Variants in GALNT3 observed in about 807,000 individuals in gnomAD.
GALNT3 encodes GalNAc transferase 3.
In GALNT3, 51 loss-of-function variants were observed where a neutral mutation model predicts 69.8. That is an observed-to-expected ratio of 0.73 (90% confidence interval 0.58 to 0.92). The LOEUF is 0.92. Among genes scored for constraint, GALNT3 ranks in the 40% least tolerant of loss-of-function variants. GALNT3 has a pLI of 0.00. For synonymous variants in GALNT3, 265 were observed against 248.5 expected, an observed-to-expected ratio of 1.07 and a Z score of -0.63; for missense variants, 711 against 760.0, an observed-to-expected ratio of 0.94 and a Z score of 0.76.
rs1313514133 is a variant in GALNT3, at chr2:165,786,609, T to C, written c.-109+7406A>G. Among the ~76,000 whole-genome samples, 4 of 152,358 alleles carry C rather than the reference T, an allele frequency of 2.6e-5. No homozygotes were observed. In the East Asian group the frequency reaches 7.7e-4, roughly 29 times the overall value. On this transcript the variant is annotated intron_variant, in intron 1 of 10. Transcript: ENST00000392701. ...TGTTATACTGTGCTTTTTTATATTA[T>C]TTTTTATTGTTGTGTTACTTTTTTC...
At chr2:165,789,881 G>A (rs1683307456) in intron 1 of GALNT3, among the ~76,000 whole-genome samples, 1 of 152,180 alleles carries the variant, frequency 6.6e-6, no homozygotes, top group Non-Finnish European at 1.5e-5. Flanking sequence ...CCTCCTGACA[G>A]TTCACTCAGG....
Position 165,759,432 on chromosome 2 carries a change from T to C in GALNT3, c.977A>G (p.His326Arg), listed in dbSNP as rs778359401. ...FNKPSPYGSN[H>R]NRGNFDWSLS... ...ACTCCAGTCAAAATTTCCACGGTTA[T>C]GGTTACTTCCATAAGGAGAAGGTTT... Residue 326 changes from histidine (H) to arginine (R), a missense_variant, in exon 5 of 11, where the codon CAT (histidine) becomes CGT (arginine). His to Arg is a conservative substitution (Grantham distance 29). Transcript: ENST00000392701. 8 of 1,613,992 alleles carry C rather than the reference T, an allele frequency of 5.0e-6. No individual in the cohort carries two copies. The highest frequency in any genetic ancestry group is 1.7e-5 in the Admixed American group (1 of 59,988).
Position 165,768,833 on chromosome 2 carries a change from C to T in GALNT3, c.515+1353G>A, listed in dbSNP as rs183568382. Among the ~76,000 whole-genome samples, 452 of 144,930 alleles carry T rather than the reference C, an allele frequency of 3.1e-3. 5 individuals carry two copies. Among genetic ancestry groups the T allele is most frequent in the African/African-American group, 0.011 (438 of 39,188 alleles). The stretch of plus-strand genomic sequence containing the variant: ...TTTGGAGATGGAGTTTCGTTCTTGT[C>T]GCCCAGGCTGGAGTGCAACGGCACA... On this transcript the variant is annotated intron_variant, in intron 2 of 10. Transcript: ENST00000392701.
intron 1 of GALNT3, among the ~76,000 whole-genome samples, chr2:165,786,110 G>C (rs191794963): frequency 3.9e-5 from 6 of 152,224 alleles, no homozygotes; most frequent in Non-Finnish European, 7.3e-5. Flanking sequence ...CAAGGAGGGA[G>C]AGTAGAGGTG....
At chr2:165,771,878 T>C (rs903214462) in intron 1 of GALNT3, among the ~76,000 whole-genome samples, 3 of 152,212 alleles carry the variant, frequency 2.0e-5, no homozygotes, top group African/African-American at 7.2e-5. Flanking sequence ...CTCTGGCTTT[T>C]GGCAGGAAAT....
Position 165,748,598 on chromosome 2 carries a change from C to CT in GALNT3, c.*182dup, listed in dbSNP as rs1163657986. On this transcript the variant is annotated 3_prime_UTR_variant, in exon 11 of 11. Coordinates refer to ENST00000392701, the MANE Select transcript of GALNT3 (RefSeq NM_004482.4). ...GTCTTTGGTATTACTAGTTATTGTGCTTTGAAACAGAAACTTGCAGAATTT... is the reference window on the plus strand; with the variant it reads ...GTCTTTGGTATTACTAGTTATTGTGCTTTTGAAACAGAAACTTGCAGAATTT... The CT allele has an allele frequency of 1.7e-6, 1 of 600,582 alleles. No homozygotes were observed. Among genetic ancestry groups the CT allele is most frequent in the African/African-American group, 1.9e-5 (1 of 53,808 alleles). 37.2% of individuals were successfully genotyped at this position (600,582 alleles called of 1,614,324 possible).
intron 3 of GALNT3, among the ~76,000 whole-genome samples, chr2:165,762,993 G>T (rs544172389): frequency 1.4e-4 from 21 of 148,374 alleles, no homozygotes; most frequent in Admixed American, 1.4e-3. Flanking sequence ...TAGAGACGGG[G>T]TTTCATCATG....
chr2:165,791,168 C>T (rs1683338719), intron 1 of GALNT3, among the ~76,000 whole-genome samples: 1 of 152,038 alleles, frequency 6.6e-6, no homozygotes, highest in Non-Finnish European at 1.5e-5. Flanking sequence ...GTCCTGGAGC[C>T]TCAAGCCCTA....
intron 1 of GALNT3, among the ~76,000 whole-genome samples, chr2:165,786,162 A>T (rs1217416950): frequency 6.6e-6 from 1 of 152,234 alleles, no homozygotes; most frequent in Non-Finnish European, 1.5e-5. Context: ...CCATAATAGG[A>T]AGTCAGTAGA....
chr2:165,770,729 A>G lies in GALNT3; in HGVS notation c.-29T>C. On this transcript the variant is annotated 5_prime_UTR_variant, in exon 2 of 11. Transcript: ENST00000392701. ...GACATTAAAAGCTTGTCACTTGACA[A>G]ATAACAGTTATTTCTTCTTCTGTTA... The G allele has an allele frequency of 6.3e-7, 1 of 1,596,448 alleles. No individual in the cohort carries two copies. The highest frequency in any genetic ancestry group is 8.5e-7 in the Non-Finnish European group (1 of 1,178,088).
intron 2 of GALNT3, among the ~76,000 whole-genome samples, chr2:165,768,527 C>T (rs537611234): frequency 6.6e-6 from 1 of 152,234 alleles, no homozygotes; most frequent in South Asian, 2.1e-4. Context: ...AGTTTCTTTA[C>T]ACATTCATTT....
chr2:165,751,360 C>A (rs527363576), intron 9 of GALNT3, among the ~76,000 whole-genome samples: 1 of 152,058 alleles, frequency 6.6e-6, no homozygotes, highest in African/African-American at 2.4e-5. Context: ...AATTTATCTC[C>A]GCCCACAAGC....
At chr2:165,764,395 T>C (rs1465199535) in intron 3 of GALNT3, among the ~76,000 whole-genome samples, 1 of 152,208 alleles carries the variant, frequency 6.6e-6, no homozygotes, top group Non-Finnish European at 1.5e-5. Flanking sequence ...ATTCTTCTTA[T>C]AATCAATTTC....
rs1319439469 is a variant in GALNT3 at position 165,794,188 on chromosome 2, G to C, written c.-282C>G. On this transcript the variant is annotated 5_prime_UTR_variant, in exon 1 of 11. Transcript: ENST00000392701. ...CTCCTGCCTTCCCGCTGGGCCTCCC[G>C]CGTTGCCTGGAGAGGCAGAACCGAG... is the stretch of plus-strand genomic sequence containing the variant. The C allele has an allele frequency of 1.3e-5, 2 of 152,996 alleles. No individual in the cohort carries two copies. The highest frequency in any genetic ancestry group is 3.9e-4 in the East Asian group (2 of 5,186). 9.5% of individuals were successfully genotyped at this position (152,996 alleles called of 1,614,324 possible). A position where few individuals can be genotyped will look rare whatever the true frequency, so the allele number is the denominator to read the frequency against.
intron 2 of GALNT3, among the ~76,000 whole-genome samples, chr2:165,765,497 AT>A (rs5836051): frequency 0.39 from 57,862 of 148,116 alleles, 11,897 homozygotes; most frequent in Non-Finnish European, 0.48. Context: ...CACTTTATTA[AT>A]TTTTTTTTTT....
chr2:165,791,582 A>T (rs1206194954), intron 1 of GALNT3, among the ~76,000 whole-genome samples: 2 of 152,290 alleles, frequency 1.3e-5, no homozygotes, highest in Admixed American at 1.3e-4. Flanking sequence ...AAAAGGAAAA[A>T]AAAGTTTAAA....
At chr2:165,772,236 G>C (rs1234694033) in intron 1 of GALNT3, among the ~76,000 whole-genome samples, 3 of 152,124 alleles carry the variant, frequency 2.0e-5, no homozygotes, top group African/African-American at 7.2e-5. Context: ...TTGAAATATA[G>C]GAAGCCAGAG....
At chr2:165,774,261 T>C (rs867347963) in intron 1 of GALNT3, among the ~76,000 whole-genome samples, 1 of 152,150 alleles carries the variant, frequency 6.6e-6, no homozygotes, top group Non-Finnish European at 1.5e-5. Flanking sequence ...CGAGTGACAG[T>C]CAATTTTTCT....
At chr2:165,762,179 C>T in intron 3 of GALNT3, 125 bp from the exon 4 acceptor site, 2 of 758,238 alleles carry the variant, frequency 2.6e-6, no homozygotes, top group East Asian at 2.7e-5. Context: ...TGCATGTGTC[C>T]TTCCAGCAAA....
Sources: allele counts gnomAD v4.1 joint callset (sites outside exome capture counted in the v4.1 genomes callset), GRCh38; gene constraint gnomAD v4.1.1; transcripts MANE v1.5; gene names NCBI Gene and HGNC (gene_info 2026-07-23, HGNC 2026-07-21).